CYP4X1: variants seen among roughly 807,000 people sequenced by gnomAD.
CYP4X1 encodes the protein cytochrome P450 family 4 subfamily X member 1, also known as cytochrome P450 4X1.
A neutral mutation model predicts 57.9 loss-of-function variants in CYP4X1; 44 were observed. The observed-to-expected ratio is 0.76, with a 90% CI of 0.60 to 0.98. The LOEUF is 0.98. Ranked by LOEUF, CYP4X1 falls within the 50% of genes least tolerant of loss-of-function variation. The probability of loss-of-function intolerance (pLI) is 0.00; values close to 1 mark genes in which losing one functional copy is unlikely to be tolerated. For synonymous variants in CYP4X1, 227 were observed against 228.6 expected (o/e 0.99, Z 0.06); for missense variants, 532 against 623.9 (o/e 0.85, Z 1.57).
rs1644146170 is a variant in CYP4X1, at chr1:47,033,485, A to G, written c.492+117A>G. 9 of 1,323,574 alleles carry G rather than the reference A, an allele frequency of 6.8e-6. No homozygotes were observed. The Admixed American group carries it at 7.0e-5, about 10-fold the overall frequency. 82.0% of individuals were successfully genotyped at this position (1,323,574 alleles called of 1,614,324 possible). A position where few individuals can be genotyped will look rare whatever the true frequency, so the allele number is the denominator to read the frequency against. On this transcript the variant is annotated intron_variant, in intron 4 of 11. Coordinates refer to ENST00000371901, the MANE Select transcript of CYP4X1 (RefSeq NM_178033.2). ...AAATCAGTTTCTAAAAATTTAACCA[A>G]TGTACACGTACTTATTGAACAATAG...
chr1:47,047,362 C>T (rs1447173709), intron 9 of CYP4X1, among the ~76,000 whole-genome samples: 1 of 152,180 alleles, frequency 6.6e-6, no homozygotes, highest in Non-Finnish European at 1.5e-5. Context: ...AGGATTGCTT[C>T]TGGCAAACAC....
At chr1:47,029,661 A>G (rs1032973771) in intron 1 of CYP4X1, among the ~76,000 whole-genome samples, 5 of 152,160 alleles carry the variant, frequency 3.3e-5, no homozygotes, top group African/African-American at 4.8e-5. Context: ...TCCCACTCCA[A>G]TCTGAGTGTG....
upstream of CYP4X1, chr1:47,023,596 C>G: frequency 6.8e-6 from 9 of 1,317,802 alleles, no homozygotes; most frequent in Non-Finnish European, 8.7e-6. Context: ...ACGAAGCGTG[C>G]GCGCTTTGGT....
downstream of CYP4X1, among the ~76,000 whole-genome samples, chr1:47,051,988 T>C (rs1416266786): frequency 1.3e-5 from 2 of 152,192 alleles, no homozygotes; most frequent in Non-Finnish European, 2.9e-5. Flanking sequence ...CTAGGTATAA[T>C]TTTCTGTGTC....
chr1:47,051,696 T>C (rs1360089595), downstream of CYP4X1, among the ~76,000 whole-genome samples: 1 of 151,982 alleles, frequency 6.6e-6, no homozygotes, highest in Non-Finnish European at 1.5e-5. Flanking sequence ...AACACCCACG[T>C]CTAAAACCAA....
At chr1:47,053,068 A>C (rs1434049612), downstream of CYP4X1, among the ~76,000 whole-genome samples, 1 of 150,734 alleles carries the variant, frequency 6.6e-6, no homozygotes, top group Non-Finnish European at 1.5e-5. Context: ...TCCCTCCCCC[A>C]TCCCCCACCC....
chr1:46,998,261 G>A, the CYP4X1 span, among the ~76,000 whole-genome samples: 5 of 151,834 alleles, frequency 3.3e-5, no homozygotes, highest in African/African-American at 9.7e-5. Context: ...CTGCAGCCTC[G>A]ACATCCTGGA....
intron 8 of CYP4X1, among the ~76,000 whole-genome samples, chr1:47,042,029 A>G (rs1470223975): frequency 1.3e-5 from 2 of 152,118 alleles, no homozygotes; most frequent in African/African-American, 4.8e-5. Context: ...CATTTATTGA[A>G]GATACTGCCC....
chr1:46,967,799 CA>C, the CYP4X1 span: 1 of 1,363,050 alleles, frequency 7.3e-7, no homozygotes, highest in Admixed American at 2.4e-5. Context: ...GGCAGCAGCT[CA>C]AAGCGGAGCA....
the CYP4X1 span, among the ~76,000 whole-genome samples, chr1:46,993,157 C>T: frequency 1.4e-5 from 2 of 146,256 alleles, no homozygotes. Flanking sequence ...TGTTCAATTC[C>T]CACCTATGAG....
intron 8 of CYP4X1, among the ~76,000 whole-genome samples, chr1:47,040,588 T>A (rs377194383): frequency 6.6e-6 from 1 of 152,148 alleles, no homozygotes. Context: ...AAACTAAAGA[T>A]TTAATCTATA....
At chr1:47,024,802 T>G (rs1442970819) in intron 1 of CYP4X1, among the ~76,000 whole-genome samples, 1 of 152,192 alleles carries the variant, frequency 6.6e-6, no homozygotes, top group African/African-American at 2.4e-5. Flanking sequence ...TGTGAAGGGC[T>G]GAGCAGAGTC....
At chr1:46,993,847 T>G in the CYP4X1 span, among the ~76,000 whole-genome samples, 19 of 152,108 alleles carry the variant, frequency 1.2e-4, no homozygotes, top group African/African-American at 2.9e-4. Context: ...GTCAGATGAG[T>G]AGATTGCAAA....
At chr1:47,039,937 C>G (rs889138389) in intron 8 of CYP4X1, among the ~76,000 whole-genome samples, 2 of 152,116 alleles carry the variant, frequency 1.3e-5, no homozygotes, top group African/African-American at 4.8e-5. Flanking sequence ...TTTTAGACAT[C>G]TCCCAGCCGC....
the CYP4X1 span, among the ~76,000 whole-genome samples, chr1:46,987,362 A>G: frequency 1.6e-4 from 25 of 152,334 alleles, no homozygotes; most frequent in African/African-American, 5.8e-4. Flanking sequence ...CACCCAATAC[A>G]GGAGCACCCA....
chr1:47,023,944 C>T lies in CYP4X1; in HGVS notation c.127C>T (p.Leu43=), dbSNP rs763886896. The change falls in exon 1 of 12, where the codon CTG becomes TTG. Residue 43 remains leucine (L), a synonymous_variant. Transcript: ENST00000371901. Reference sequence around the variant, plus strand: ...GCGGAGGCAGCGGCTGCTGCGGGACCTGCGCCCCTTCCCAGCGCCCCCCAC... The same window carrying T: ...GCGGAGGCAGCGGCTGCTGCGGGACTTGCGCCCCTTCCCAGCGCCCCCCAC... ...YLRRQRLLRD[L]RPFPAPPTHW... The T allele has an allele frequency of 4.5e-5, 73 of 1,613,318 alleles. No individual in the cohort carries two copies. Among genetic ancestry groups the T allele is most frequent in the Non-Finnish European group, 5.9e-5 (70 of 1,179,970 alleles).
chr1:46,997,406 T>C, the CYP4X1 span, among the ~76,000 whole-genome samples: 10 of 152,336 alleles, frequency 6.6e-5, no homozygotes, highest in East Asian at 1.9e-3. Context: ...CCAGTGTCTA[T>C]TGTTTCCATC....
the CYP4X1 span, among the ~76,000 whole-genome samples, chr1:47,017,659 A>C: frequency 2.0e-5 from 3 of 152,216 alleles, no homozygotes; most frequent in African/African-American, 4.8e-5. Context: ...CCCTCTGCTC[A>C]GTGAGATAAA....
intron 11 of CYP4X1, 129 bp from the exon 12 acceptor site, chr1:47,049,871 A>T: frequency 2.9e-6 from 3 of 1,031,340 alleles, no homozygotes; most frequent in Non-Finnish European, 4.2e-6. Context: ...AAAGTTCAAA[A>T]GTTTCAATGG....
Sources: gnomAD v4.1 joint callset for allele counts (sites outside exome capture counted in the v4.1 genomes callset) on GRCh38, gnomAD v4.1.1 for gene constraint, MANE v1.5 for transcripts, NCBI Gene and HGNC (gene_info 2026-07-23, HGNC 2026-07-21) for gene names.